ALPK1: variants seen among roughly 807,000 people sequenced by gnomAD.
ALPK1 encodes the protein alpha kinase 1.
A neutral mutation model predicts 120.6 loss-of-function variants in ALPK1; 110 were observed. The observed-to-expected ratio is 0.91, with a 90% CI of 0.78 to 1.07. ALPK1 has a LOEUF of 1.07. ALPK1 is among the 50% of genes least tolerant of loss of function. The pLI is 0.00. For synonymous variants in ALPK1, 582 were observed against 560.3 expected (o/e 1.04, Z -0.55); for missense variants, 1,498 against 1,483.9 (o/e 1.01, Z -0.16).
intron 6 of ALPK1, chr4:112,425,130 A>C (rs1338262962): frequency 6.6e-6 from 1 of 152,340 alleles, no homozygotes; most frequent in Non-Finnish European, 1.5e-5. Flanking sequence ...AGAAAGTCTC[A>C]TTATGTGAGC....
intron 1 of ALPK1, among the ~76,000 whole-genome samples, chr4:112,297,876 CT>C (rs200974331): frequency 0.012 from 1,756 of 152,012 alleles, 17 homozygotes; most frequent in Non-Finnish European, 0.018. Context: ...TGACTTTTGC[CT>C]GGAATACATA....
At chr4:112,315,029 C>T (rs537352043) in intron 1 of ALPK1, among the ~76,000 whole-genome samples, 17 of 151,666 alleles carry the variant, frequency 1.1e-4, no homozygotes, top group African/African-American at 1.7e-4. Flanking sequence ...TACAGGCACG[C>T]GCCACCACAC....
At chr4:112,408,817 T>C (rs144635160) in intron 4 of ALPK1, among the ~76,000 whole-genome samples, 20 of 152,320 alleles carry the variant, frequency 1.3e-4, no homozygotes, top group African/African-American at 4.8e-4. Context: ...TTCCGATTGA[T>C]GGTTTATTTG....
intron 2 of ALPK1, among the ~76,000 whole-genome samples, chr4:112,368,970 C>A (rs991549315): frequency 1.3e-5 from 2 of 152,200 alleles, no homozygotes; most frequent in African/African-American, 4.8e-5. Flanking sequence ...TTGGCAAATA[C>A]AATCAAGGCA....
At chr4:112,306,950 G>T (rs916086734) in intron 1 of ALPK1, among the ~76,000 whole-genome samples, 1 of 152,160 alleles carries the variant, frequency 6.6e-6, no homozygotes, top group East Asian at 1.9e-4. Flanking sequence ...GGTATGTTGT[G>T]TCTTTGTTCT....
At chr4:112,371,304 T>C (rs1052389699) in intron 2 of ALPK1, among the ~76,000 whole-genome samples, 2 of 152,210 alleles carry the variant, frequency 1.3e-5, no homozygotes, top group African/African-American at 4.8e-5. Flanking sequence ...CATCTGACCC[T>C]GGTCCTCCTG....
intron 2 of ALPK1, among the ~76,000 whole-genome samples, chr4:112,344,122 T>A (rs959218596): frequency 6.6e-6 from 1 of 152,226 alleles, no homozygotes; most frequent in Admixed American, 6.5e-5. Flanking sequence ...TACCCAGCTT[T>A]AGAAAAGCGG....
At chr4:112,308,300 G>T (rs1468499596) in intron 1 of ALPK1, among the ~76,000 whole-genome samples, 2 of 152,070 alleles carry the variant, frequency 1.3e-5, no homozygotes, top group South Asian at 2.1e-4. Context: ...GGCCTGCCTT[G>T]CTAGGTTGGG....
intron 2 of ALPK1, among the ~76,000 whole-genome samples, chr4:112,318,436 G>C (rs933349220): frequency 6.6e-6 from 1 of 152,210 alleles, no homozygotes; most frequent in Non-Finnish European, 1.5e-5. Flanking sequence ...CAGATAGTGA[G>C]TGTCAAGGCT....
chr4:112,409,538 C>A (rs1280090947), intron 4 of ALPK1, among the ~76,000 whole-genome samples: 1 of 151,896 alleles, frequency 6.6e-6, no homozygotes, highest in East Asian at 1.9e-4. Flanking sequence ...ATTATATAGA[C>A]GTCCCCATTT....
At chr4:112,356,384 T>C (rs1463748348) in intron 2 of ALPK1, 1 of 837,400 alleles carries the variant, frequency 1.2e-6, no homozygotes, top group Non-Finnish European at 2.1e-6. Flanking sequence ...AGATCAGGCC[T>C]TTGTCATCCT....
At chr4:112,298,405 TC>T (rs1727636342) in intron 1 of ALPK1, among the ~76,000 whole-genome samples, 1 of 152,122 alleles carries the variant, frequency 6.6e-6, no homozygotes, top group African/African-American at 2.4e-5. Flanking sequence ...TCAAGTCCAG[TC>T]CTTGTCTGCT....
chr4:112,425,927 A>G (rs1179703704), intron 7 of ALPK1, 176 bp downstream of exon 7: 2 of 493,334 alleles, frequency 4.1e-6, no homozygotes, highest in Non-Finnish European at 7.4e-6. Context: ...AAATATTAAT[A>G]AAATGTGTTT....
intron 2 of ALPK1, chr4:112,359,049 C>G: frequency 2.6e-6 from 2 of 759,814 alleles, no homozygotes; most frequent in Non-Finnish European, 2.5e-6. Flanking sequence ...TCCCCAAAGG[C>G]AGCGGACACA....
intron 2 of ALPK1, among the ~76,000 whole-genome samples, chr4:112,374,182 A>G (rs1441808285): frequency 2.0e-5 from 3 of 152,192 alleles, no homozygotes; most frequent in Non-Finnish European, 4.4e-5. Flanking sequence ...TTTACCAACT[A>G]AGTTTACATA....
intron 2 of ALPK1, among the ~76,000 whole-genome samples, chr4:112,364,789 T>C (rs1316217493): frequency 6.6e-6 from 1 of 152,082 alleles, no homozygotes; most frequent in East Asian, 1.9e-4. Flanking sequence ...CTGATGAACA[T>C]AGATGCAAAA....
chr4:112,388,058 T>C (rs948022130), intron 4 of ALPK1, among the ~76,000 whole-genome samples: 12 of 152,228 alleles, frequency 7.9e-5, no homozygotes, highest in African/African-American at 2.9e-4. Flanking sequence ...GTTACTTTGC[T>C]AGGGATAATG....
At chr4:112,422,290 G>A (rs897583539) in intron 5 of ALPK1, among the ~76,000 whole-genome samples, 2 of 152,090 alleles carry the variant, frequency 1.3e-5, no homozygotes, top group Non-Finnish European at 2.9e-5. Flanking sequence ...GGGACAGAGG[G>A]GACTACTGTA....
chr4:112,312,400 G>A (rs1461313489), intron 1 of ALPK1, among the ~76,000 whole-genome samples: 1 of 152,072 alleles, frequency 6.6e-6, no homozygotes, highest in South Asian at 2.1e-4. Context: ...AGCCTCGCGA[G>A]TAGCTGGGAC....
Sources: gnomAD v4.1 joint callset for allele counts (sites outside exome capture counted in the v4.1 genomes callset) on GRCh38, gnomAD v4.1.1 for gene constraint, MANE v1.5 for transcripts, NCBI Gene and HGNC (gene_info 2026-07-23, HGNC 2026-07-21) for gene names.